The following APC variants were observed in gnomAD, a reference collection of about 807,000 sequenced individuals.
APC encodes the protein APC regulator of Wnt signaling pathway, also known as adenomatous polyposis coli protein.
A neutral mutation model predicts 247.0 loss-of-function variants in APC; 72 were observed. That is an observed-to-expected ratio of 0.29 (90% CI 0.24 to 0.35). The LOEUF is 0.35. APC is among the 10% of genes least tolerant of loss of function. The pLI is 1.00. For synonymous variants in APC, 1,254 were observed against 1,162.5 expected (o/e 1.08, Z -1.60); for missense variants, 3,400 against 3,360.7 (o/e 1.01, Z -0.29).
intron 9 of APC, among the ~76,000 whole-genome samples, chr5:112,817,692 G>A (rs994826137): frequency 2.6e-5 from 4 of 152,142 alleles, no homozygotes; most frequent in African/African-American, 9.7e-5. Flanking sequence ...TAAGACCCTA[G>A]TATGTATTTT....
rs764737975 is a variant in APC, at chr5:112,840,904, G to A, written c.5310G>A (p.Lys1770=). Residue 1770 remains lysine (K), a synonymous_variant, in exon 16 of 16, where the codon AAG becomes AAA. Transcript: ENST00000257430. The surrounding 1 kb of genome is among the most constrained non-coding windows in gnomAD (Gnocchi z 4.1). ...PNKNQLDGKK[K]KPTSPVKPIP... is the part of the protein sequence containing the mutation. ...AAAATCAGTTAGATGGTAAGAAAAA[G>A]AAACCAACTTCACCAGTAAAACCTA... The A allele has an allele frequency of 6.2e-7, 1 of 1,613,704 alleles. No homozygotes were observed. Among genetic ancestry groups the A allele is most frequent in the Non-Finnish European group, 8.5e-7 (1 of 1,179,786 alleles).
intron 11 of APC, 70 bp downstream of exon 11, chr5:112,822,061 G>T: frequency 9.6e-7 from 1 of 1,037,580 alleles, no homozygotes; most frequent in Non-Finnish European, 1.5e-6. Flanking sequence ...TAGAAATTCA[G>T]TATAGTAAAT....
intron 14 of APC, among the ~76,000 whole-genome samples, chr5:112,834,018 C>T (rs1764590840): frequency 6.6e-6 from 1 of 151,866 alleles, no homozygotes; most frequent in Non-Finnish European, 1.5e-5. Flanking sequence ...GTGGCGCGAT[C>T]ATGGCTTACT....
chr5:112,761,325 A>G (rs1755645217), intron 2 of APC, among the ~76,000 whole-genome samples: 1 of 152,250 alleles, frequency 6.6e-6, no homozygotes, highest in South Asian at 2.1e-4. Flanking sequence ...GCAAACTCAG[A>G]TGATCCACAT....
At chr5:112,767,067 G>A (rs1756414606) in intron 3 of APC, 122 bp from the exon 4 acceptor site, 2 of 923,996 alleles carry the variant, frequency 2.2e-6, no homozygotes, top group East Asian at 5.3e-5. Flanking sequence ...TTTGTTTTCA[G>A]TCATGTATAT....
chr5:112,795,864 A>G (rs1322318332), intron 7 of APC, among the ~76,000 whole-genome samples: 1 of 152,206 alleles, frequency 6.6e-6, no homozygotes, highest in East Asian at 1.9e-4. Context: ...AATACAAGAG[A>G]AAGAGATGAG....
At chr5:112,811,402 A>G (rs2431508) in intron 8 of APC, among the ~76,000 whole-genome samples, 11,204 of 152,224 alleles carry the variant, frequency 0.074, 523 homozygotes, top group Middle Eastern at 0.14. Flanking sequence ...TTTCTTGTGG[A>G]TAGGGAGACT....
At chr5:112,822,943 A>C (rs1018302712) in intron 11 of APC, among the ~76,000 whole-genome samples, 1 of 152,120 alleles carries the variant, frequency 6.6e-6, no homozygotes, top group African/African-American at 2.4e-5. Context: ...GAGGCTCTGC[A>C]CCTTAAGATT....
At chr5:112,827,032 A>AT in intron 11 of APC, 76 bp from the exon 12 acceptor site, 2 of 1,471,732 alleles carry the variant, frequency 1.4e-6, no homozygotes, top group Non-Finnish European at 1.9e-6. Flanking sequence ...TTTTCCTAGT[A>AT]TTTAAGTTAC....
chr5:112,758,847 C>T (rs1263209659), intron 2 of APC, among the ~76,000 whole-genome samples: 2 of 150,100 alleles, frequency 1.3e-5, no homozygotes, highest in African/African-American at 2.5e-5. Flanking sequence ...AGGTGATCCA[C>T]CCGCCTCGGC....
At chr5:112,820,019 C>G (rs1337761790) in intron 10 of APC, among the ~76,000 whole-genome samples, 1 of 152,092 alleles carries the variant, frequency 6.6e-6, no homozygotes, top group Non-Finnish European at 1.5e-5. Flanking sequence ...GATAATCCAC[C>G]CAGCTCTTCA....
chr5:112,768,037 CTCTT>C (rs1278696224), intron 4 of APC, among the ~76,000 whole-genome samples: 1 of 149,994 alleles, frequency 6.7e-6, no homozygotes, highest in Non-Finnish European at 1.5e-5. Flanking sequence ...CATAGTAAGA[CTCTT>C]TCTTTTTTTT....
rs1561613624 is a variant in APC at position 112,842,800 on chromosome 5, T to G, written c.7206T>G (p.Asn2402Lys). The stretch of plus-strand genomic sequence containing the variant: ...GTGAGTCTGCCTCCAAAGGACTAAA[T>G]CAGATGAATAATGGTAATGGAGCCA... ...PRSESASKGL[N>K]QMNNGNGANK... The change falls in exon 16 of 16, where the codon AAT (asparagine) becomes AAG (lysine). Residue 2402 changes from asparagine to lysine, a missense_variant. Asn to Lys is a moderately conservative substitution (Grantham distance 94, BLOSUM62 0). Transcript: ENST00000257430. 6.2e-7 allele frequency: 1 copy of G among 1,613,648 alleles called. No homozygotes were observed. The highest frequency in any genetic ancestry group is 8.5e-7 in the Non-Finnish European group (1 of 1,179,632).
chr5:112,759,569 G>A (rs1305786247), intron 2 of APC, among the ~76,000 whole-genome samples: 1 of 151,742 alleles, frequency 6.6e-6, no homozygotes, highest in Non-Finnish European at 1.5e-5. Context: ...TGTTAGCCAG[G>A]ATGTTCTCAA....
intron 5 of APC, among the ~76,000 whole-genome samples, chr5:112,775,993 C>T (rs1757604616): frequency 6.6e-6 from 1 of 152,082 alleles, no homozygotes; most frequent in African/African-American, 2.4e-5. Flanking sequence ...TTCTAGAGGA[C>T]CTCAGGGTTC....
At chr5:112,731,993 C>T (rs996288333) in intron 1 of APC, among the ~76,000 whole-genome samples, 4 of 152,214 alleles carry the variant, frequency 2.6e-5, no homozygotes, top group Non-Finnish European at 5.9e-5. Context: ...AACTCCTGGC[C>T]TCAAGTGATC....
chr5:112,727,897 G>C (rs79707630), intron 1 of APC, among the ~76,000 whole-genome samples: 2 of 150,066 alleles, frequency 1.3e-5, no homozygotes, highest in African/African-American at 4.9e-5. Flanking sequence ...AATTGAAGAA[G>C]ACATACTTAA....
chr5:112,830,894 T>C (rs754244031), intron 14 of APC, among the ~76,000 whole-genome samples: 2 of 152,126 alleles, frequency 1.3e-5, no homozygotes, highest in Non-Finnish European at 2.9e-5. Context: ...GTATGAAAAA[T>C]TATCAAATTG....
chr5:112,840,386 G>A lies in APC; in HGVS notation c.4792G>A (p.Ala1598Thr), dbSNP rs1315936931. 1 of 1,614,058 alleles carries A rather than the reference G, an allele frequency of 6.2e-7. No homozygotes were observed. The highest frequency in any genetic ancestry group is 1.3e-5 in the African/African-American group (1 of 74,926). Residue 1598 changes from alanine (A) to threonine (T), a missense_variant, in exon 16 of 16, where the codon GCT (alanine) becomes ACT (threonine). Physicochemically the swap from Ala to Thr is moderately conservative, Grantham distance 58 (BLOSUM62 0). Around this residue, in one of 9 missense-constraint regions of APC, gnomAD observed 1,788 missense variants for 1,649.5 expected, o/e 1.08. Transcript: ENST00000257430. This position sits in a 1 kb window ranked among gnomAD's most constrained non-coding sequence, Gnocchi z 4.1. ...SRKAKKPAQTASKLPPPVARK... is the reference protein window; with the variant it reads ...SRKAKKPAQTTSKLPPPVARK... Reference sequence around the variant, plus strand: ...TAAAGCAAAAAAGCCAGCCCAGACTGCTTCAAAATTACCTCCACCTGTGGC... The same window carrying A: ...TAAAGCAAAAAAGCCAGCCCAGACTACTTCAAAATTACCTCCACCTGTGGC...
Sources: allele counts gnomAD v4.1 joint callset (sites outside exome capture counted in the v4.1 genomes callset), GRCh38; gene constraint gnomAD v4.1.1; regional missense constraint gnomAD v4.1.1; non-coding constraint Gnocchi (gnomAD v3.1); transcripts MANE v1.5; gene names NCBI Gene and HGNC (gene_info 2026-07-23, HGNC 2026-07-21).